Variants in EML6 observed in about 807,000 individuals in gnomAD.
EML6 encodes the protein echinoderm microtubule-associated protein-like 6.
EML6 carries 154 observed loss-of-function variants against 240.1 expected under a neutral mutation model. The observed-to-expected ratio is 0.64, with a 90% CI of 0.56 to 0.73. The LOEUF is 0.73. Among genes scored for constraint, EML6 ranks in the 30% least tolerant of loss-of-function variants. The probability of loss-of-function intolerance (pLI) is 0.00; values close to 1 mark genes in which losing one functional copy is unlikely to be tolerated. For missense variants in EML6, 2,964 were observed against 2,474.6 expected (o/e 1.20, Z -4.20); for synonymous variants, 1,148 against 899.0 (o/e 1.28, Z -4.95).
chr2:54,930,160 G>A (rs570716567), intron 28 of EML6, among the ~76,000 whole-genome samples: 16 of 152,114 alleles, frequency 1.1e-4, no homozygotes, highest in Admixed American at 5.9e-4. Flanking sequence ...GAGTTGACAT[G>A]GCCATTATCC....
chr2:54,953,411 A>G (rs932273425), intron 31 of EML6, among the ~76,000 whole-genome samples: 8 of 152,216 alleles, frequency 5.3e-5, no homozygotes, highest in African/African-American at 1.9e-4. Context: ...AATTGCAGAT[A>G]CAAATCATTG....
At chr2:54,853,155 G>C (rs949155186) in intron 10 of EML6, among the ~76,000 whole-genome samples, 9 of 152,096 alleles carry the variant, frequency 5.9e-5, no homozygotes. Context: ...TAGAAGTTCA[G>C]GATGAACTTA....
chr2:54,802,642 C>CTACTACTACTAG (rs1192100491), intron 2 of EML6, among the ~76,000 whole-genome samples: 178 of 148,504 alleles, frequency 1.2e-3, no homozygotes, highest in Non-Finnish European at 1.7e-3. Context: ...ACTACTACTA[C>CTACTACTACTAG]TACTACTACT....
intron 16 of EML6, among the ~76,000 whole-genome samples, chr2:54,878,930 T>G (rs572005405): frequency 5.3e-5 from 8 of 152,338 alleles, no homozygotes; most frequent in Non-Finnish European, 8.8e-5. Flanking sequence ...ATTTAAAAAT[T>G]TTCTGTATCC....
At chr2:54,841,452 T>A (rs2358153) in intron 7 of EML6, among the ~76,000 whole-genome samples, 64,437 of 152,006 alleles carry the variant, frequency 0.42, 15,716 homozygotes, top group South Asian at 0.56. Flanking sequence ...TCTTAATAAA[T>A]GCATTTATCT....
chr2:54,866,828 C>T lies in EML6; in HGVS notation c.1995C>T (p.Pro665=), dbSNP rs372467312. 1 of 1,551,300 alleles carries T rather than the reference C, an allele frequency of 6.4e-7. No homozygotes were observed. Among genetic ancestry groups the T allele is most frequent in the Admixed American group, 2.0e-5 (1 of 50,996 alleles). ...GTAAAGAGAAAAACCACGCAGTGCC[C>T]TTCCTCAAACGAGAAAAGGCTCCTG... ...QQSKEKNHAV[P]FLKREKAPED... The change falls in exon 14 of 42, where the codon CCC becomes CCT. Residue 665 remains proline (P), a synonymous_variant. Coordinates refer to ENST00000356458, the MANE Select transcript of EML6 (RefSeq NM_001039753.4).
rs1195866034 is a variant in EML6 at position 54,783,517 on chromosome 2, T to C, written c.198-29715T>C. On this transcript the variant is annotated intron_variant, in intron 2 of 41. Transcript: ENST00000356458. ...TGATTTTAGATTTAAGGAAGTGAAA[T>C]AGAGACATATACCTTTTCTCAATCT... Among the ~76,000 whole-genome samples, 9 of 152,284 alleles carry C rather than the reference T, an allele frequency of 5.9e-5. No homozygotes were observed. In the South Asian group the frequency reaches 8.3e-4, roughly 14 times the overall value.
intron 11 of EML6, among the ~76,000 whole-genome samples, chr2:54,856,869 T>C (rs1448203420): frequency 1.3e-5 from 2 of 152,068 alleles, no homozygotes; most frequent in African/African-American, 2.4e-5. Context: ...AGGTTTCAAG[T>C]AGAGAAGTTA....
At chr2:54,836,785 C>T (rs1457356015) in intron 7 of EML6, among the ~76,000 whole-genome samples, 3 of 152,174 alleles carry the variant, frequency 2.0e-5, no homozygotes, top group Non-Finnish European at 4.4e-5. Context: ...TAGCAAGGGG[C>T]CCCACACTTC....
rs1558611345 is a variant in EML6, at chr2:54,850,228, G to A, written c.1444+10G>A. ...TTCTACAGAATGCCATGTAAGTCAT[G>A]TGGAGGCCTTGGATGTTTCTGGAAA... On this transcript the variant is annotated intron_variant, in intron 10 of 41. Coordinates refer to ENST00000356458, the MANE Select transcript of EML6 (RefSeq NM_001039753.4). 2.6e-6 allele frequency: 4 copies of A among 1,549,326 alleles called. No homozygotes were observed. The highest frequency in any genetic ancestry group is 2.6e-6 in the Non-Finnish European group (3 of 1,145,046).
intron 14 of EML6, chr2:54,868,728 C>T (rs998467645): frequency 3.2e-5 from 5 of 154,032 alleles, no homozygotes; most frequent in African/African-American, 9.6e-5. Flanking sequence ...TTTCAACATG[C>T]ATACTTGTAT....
chr2:54,919,947 C>A (rs1369826311), intron 26 of EML6, among the ~76,000 whole-genome samples: 1 of 152,120 alleles, frequency 6.6e-6, no homozygotes, highest in Non-Finnish European at 1.5e-5. Flanking sequence ...TCTGTGTATG[C>A]TTTTTTCTAA....
intron 7 of EML6, among the ~76,000 whole-genome samples, chr2:54,839,072 C>T (rs1157291938): frequency 5.9e-5 from 9 of 152,186 alleles, no homozygotes; most frequent in Non-Finnish European, 1.5e-5. Flanking sequence ...CCTTGGTCAG[C>T]CCAGCTGGGA....
intron 19 of EML6, 150 bp from the exon 20 acceptor site, chr2:54,894,765 G>A (rs900795198): frequency 2.1e-5 from 12 of 582,672 alleles, no homozygotes; most frequent in Admixed American, 6.1e-5. Flanking sequence ...AATATTATTC[G>A]AACATTGTTA....
At chr2:54,760,540 T>C (rs1667931057) in intron 2 of EML6, among the ~76,000 whole-genome samples, 1 of 152,108 alleles carries the variant, frequency 6.6e-6, no homozygotes, top group Non-Finnish European at 1.5e-5. Context: ...TCAGTTTCAA[T>C]ATAGCCTAGA....
At chr2:54,748,530 A>G (rs1223364798) in intron 2 of EML6, 4 of 152,170 alleles carry the variant, frequency 2.6e-5, no homozygotes, top group Admixed American at 6.6e-5. Context: ...GTTTACATAC[A>G]TTGTGGCTAC....
intron 2 of EML6, among the ~76,000 whole-genome samples, chr2:54,813,031 T>C (rs966675947): frequency 9.9e-5 from 15 of 152,212 alleles, no homozygotes; most frequent in African/African-American, 3.6e-4. Context: ...CCAAATGAGA[T>C]TGTCAGACTG....
chr2:54,954,225 A>T, intron 32 of EML6, 69 bp downstream of exon 32: 10 of 1,397,476 alleles, frequency 7.2e-6, no homozygotes, highest in Non-Finnish European at 9.7e-6. Context: ...GTGGGCTCGA[A>T]CCCAGATCTG....
chr2:54,885,408 C>T (rs1425879143), intron 17 of EML6, among the ~76,000 whole-genome samples: 1 of 151,864 alleles, frequency 6.6e-6, no homozygotes, highest in Non-Finnish European at 1.5e-5. Flanking sequence ...GATCATGCCA[C>T]TGCATTCCAG....
Sources: allele counts gnomAD v4.1 joint callset (sites outside exome capture counted in the v4.1 genomes callset), GRCh38; gene constraint gnomAD v4.1.1; transcripts MANE v1.5; gene names NCBI Gene and HGNC (gene_info 2026-07-23, HGNC 2026-07-21).